Variants in CDH13 observed in about 807,000 individuals in gnomAD.
CDH13 encodes cadherin-13.
In CDH13, 24 loss-of-function variants were observed where a neutral mutation model predicts 63.8. That is an observed-to-expected ratio of 0.38 (90% confidence interval 0.27 to 0.53). CDH13 has a LOEUF of 0.53. CDH13 is among the 20% of genes least tolerant of loss of function. The probability of loss-of-function intolerance (pLI) is 0.85; values close to 1 mark genes in which losing one functional copy is unlikely to be tolerated. For synonymous variants in CDH13, 503 were observed against 355.3 expected, an observed-to-expected ratio of 1.42 and a Z score of -4.67; for missense variants, 1,049 against 903.1, an observed-to-expected ratio of 1.16 and a Z score of -2.07.
chr16:83,453,153 G>A (rs2072928112), intron 6 of CDH13, among the ~76,000 whole-genome samples: 1 of 152,148 alleles, frequency 6.6e-6, no homozygotes, highest in Non-Finnish European at 1.5e-5. Flanking sequence ...TCTCATCTGT[G>A]GGAACTAAGC....
intron 7 of CDH13, among the ~76,000 whole-genome samples, chr16:83,597,098 C>T (rs1392914581): frequency 6.6e-6 from 1 of 152,074 alleles, no homozygotes; most frequent in Non-Finnish European, 1.5e-5. Context: ...TGGCACATGC[C>T]TGTGGTCTTA....
chr16:83,402,093 G>A (rs930105527), intron 6 of CDH13, among the ~76,000 whole-genome samples: 8 of 152,276 alleles, frequency 5.3e-5, no homozygotes, highest in Admixed American at 1.3e-4. Context: ...TTAGAGGTCA[G>A]ATCTGGAGGG....
At chr16:83,329,220 C>T (rs750793998) in intron 5 of CDH13, among the ~76,000 whole-genome samples, 2 of 151,934 alleles carry the variant, frequency 1.3e-5, no homozygotes, top group Admixed American at 1.3e-4. Context: ...TAAAGGGTTT[C>T]TTGTTTTGTT....
rs144530265 is a variant in CDH13, at chr16:83,660,905, A to G, written c.1102-9885A>G. ...GAGAGCTACTAACGTCCAATGAAAT[A>G]AAGTATCCAAGCCTGAAATTGAAGA... On this transcript the variant is annotated intron_variant, in intron 8 of 13. Coordinates refer to ENST00000567109, the MANE Select transcript of CDH13 (RefSeq NM_001257.5). 2.3e-4 allele frequency among the ~76,000 whole-genome samples: 34 copies of G among 149,026 alleles called. No homozygotes were observed. The East Asian group carries it at 5.8e-3, about 25-fold the overall frequency.
chr16:83,150,458 C>A (rs186517129), intron 4 of CDH13, among the ~76,000 whole-genome samples: 1 of 152,092 alleles, frequency 6.6e-6, no homozygotes, highest in East Asian at 1.9e-4. Context: ...TGCTGCTCCC[C>A]ATAAGACCCT....
chr16:83,510,144 A>G (rs1181281484), intron 7 of CDH13, among the ~76,000 whole-genome samples: 2 of 152,228 alleles, frequency 1.3e-5, no homozygotes, highest in South Asian at 4.1e-4. Context: ...ATTTTGTAAG[A>G]AATAAAAGCA....
chr16:82,768,715 A>G (rs974398225), intron 1 of CDH13, among the ~76,000 whole-genome samples: 3 of 152,128 alleles, frequency 2.0e-5, no homozygotes, highest in Non-Finnish European at 4.4e-5. Context: ...CAACATTTCC[A>G]TTGGTTGAGG....
Position 83,800,492 on chromosome 16 carries a change from C to G in CDH13, c.*5462C>G, listed in dbSNP as rs1270620772. On this transcript the variant is annotated 3_prime_UTR_variant, in exon 14 of 14. Coordinates refer to ENST00000567109, the MANE Select transcript of CDH13 (RefSeq NM_001257.5). Reference sequence around the variant, plus strand: ...AGTTAATCATGTTAAAATATTCAGTCTATGGCAGATGTCGCTCCTTTGGGC... The same window carrying G: ...AGTTAATCATGTTAAAATATTCAGTGTATGGCAGATGTCGCTCCTTTGGGC... 2 of 152,200 alleles carry G rather than the reference C, an allele frequency of 1.3e-5. No individual in the cohort carries two copies. Among genetic ancestry groups the G allele is most frequent in the East Asian group, 1.9e-4 (1 of 5,202 alleles). The allele number at this position is 152,200 out of a possible 1,614,324, so 9.4% of individuals were successfully genotyped here.
At chr16:83,387,058 T>C (rs1186674714) in intron 6 of CDH13, among the ~76,000 whole-genome samples, 3 of 152,196 alleles carry the variant, frequency 2.0e-5, no homozygotes, top group Admixed American at 6.5e-5. Flanking sequence ...GAAAATTAAA[T>C]ACTTGTGTTC....
intron 7 of CDH13, among the ~76,000 whole-genome samples, chr16:83,560,501 G>A (rs367564961): frequency 4.6e-5 from 7 of 152,182 alleles, no homozygotes; most frequent in Admixed American, 2.0e-4. Context: ...ATGGGAAAAT[G>A]GTTGCAGGGG....
chr16:83,462,177 G>C (rs760437742), intron 6 of CDH13, among the ~76,000 whole-genome samples: 1 of 152,226 alleles, frequency 6.6e-6, no homozygotes, highest in Non-Finnish European at 1.5e-5. Context: ...TCTTCAAGCA[G>C]CCATGAGCCC....
chr16:82,845,132 G>A (rs12149059), intron 1 of CDH13, among the ~76,000 whole-genome samples: 16,815 of 152,126 alleles, frequency 0.11, 1,077 homozygotes, highest in African/African-American at 0.16. Flanking sequence ...AGGCAGGAAA[G>A]GAGAGAGAAC....
chr16:83,393,933 C>T (rs1296898153), intron 6 of CDH13, among the ~76,000 whole-genome samples: 1 of 152,118 alleles, frequency 6.6e-6, no homozygotes, highest in Non-Finnish European at 1.5e-5. Context: ...AGAACAAGAT[C>T]ATGTCCTGTG....
chr16:82,828,404 G>A (rs1378416733), intron 1 of CDH13, among the ~76,000 whole-genome samples: 1 of 152,114 alleles, frequency 6.6e-6, no homozygotes, highest in Non-Finnish European at 1.5e-5. Context: ...GATGACTTGA[G>A]GCCAGGAGTT....
chr16:82,901,029 A>G (rs1567644546), intron 2 of CDH13, among the ~76,000 whole-genome samples: 2 of 151,822 alleles, frequency 1.3e-5, no homozygotes, highest in Non-Finnish European at 2.9e-5. Context: ...GATCAAGTTA[A>G]TGCCCCTCAT....
chr16:83,621,620 G>A (rs979115874), intron 8 of CDH13, among the ~76,000 whole-genome samples: 9 of 150,650 alleles, frequency 6.0e-5, no homozygotes, highest in Non-Finnish European at 2.9e-5. Context: ...CTGAGTAGCT[G>A]GAATTACAGG....
intron 4 of CDH13, among the ~76,000 whole-genome samples, chr16:83,216,044 T>C (rs940455707): frequency 6.7e-6 from 1 of 150,002 alleles, no homozygotes. Flanking sequence ...TGCTTAAGCA[T>C]ATGCCAGTAA....
At chr16:83,659,405 TC>T (rs1473456581) in intron 8 of CDH13, among the ~76,000 whole-genome samples, 2 of 152,238 alleles carry the variant, frequency 1.3e-5, no homozygotes, top group Non-Finnish European at 2.9e-5. Flanking sequence ...CAACACCAGG[TC>T]CCATGTCCTC....
intron 7 of CDH13, among the ~76,000 whole-genome samples, chr16:83,547,391 G>C (rs536493280): frequency 6.6e-6 from 1 of 152,298 alleles, no homozygotes; most frequent in African/African-American, 2.4e-5. Context: ...TTGGTGTACA[G>C]ATTATTTTGT....
Sources: gnomAD v4.1 joint callset for allele counts (sites outside exome capture counted in the v4.1 genomes callset) on GRCh38, gnomAD v4.1.1 for gene constraint, MANE v1.5 for transcripts, NCBI Gene and HGNC (gene_info 2026-07-23, HGNC 2026-07-21) for gene names.